Variants in IRAG2 observed in about 807,000 individuals in gnomAD.
IRAG2 encodes lymphoid restricted membrane protein.
A neutral mutation model predicts 69.9 loss-of-function variants in IRAG2; 45 were observed. The observed-to-expected ratio is 0.64, with a 90% CI of 0.51 to 0.83. The LOEUF is 0.83. Among genes scored for constraint, IRAG2 ranks in the 40% least tolerant of loss-of-function variants. The pLI is 0.00. For missense variants in IRAG2, 520 were observed against 587.0 expected (o/e 0.89, Z 1.18); for synonymous variants, 193 against 202.4 (o/e 0.95, Z 0.40).
At position 25,035,495 on chromosome 12, in the gene IRAG2, C is replaced by CAACA. The variant is rs563950075; in HGVS notation, c.1744-157_1744-154dup. ...TGGAGCCATCCCAGAGAGAAAATAT[C>CAACA]AACAGCTTTTTTAGGATGTAGGAGA... On this transcript the variant is annotated intron_variant, in intron 13 of 38. Coordinates refer to the IRAG2 transcript ENST00000636465. 6.6e-4 allele frequency: 261 copies of CAACA among 394,830 alleles called. No homozygotes were observed. The South Asian group carries it at 7.9e-3, about 12-fold the overall frequency. 24.5% of individuals were successfully genotyped at this position (394,830 alleles called of 1,614,324 possible). A position where few individuals can be genotyped will look rare whatever the true frequency, so the allele number is the denominator to read the frequency against.
At chr12:25,087,152 CCT>C (rs1491417057) in intron 10 of IRAG2, among the ~76,000 whole-genome samples, 1 of 100,210 alleles carries the variant, frequency 1.0e-5, no homozygotes, top group East Asian at 2.3e-4. Flanking sequence ...CACTCTCCTT[CCT>C]TTTTTTTTTT....
rs1947773340 is a variant in IRAG2 at position 25,088,134 on chromosome 12, A to G, written c.350A>G (p.His117Arg). The G allele has an allele frequency of 1.5e-5, 24 of 1,613,480 alleles. No individual in the cohort carries two copies. The highest frequency in any genetic ancestry group is 2.0e-5 in the Non-Finnish European group (24 of 1,179,500). ...AKEEPETIEEHKKEHASGDSV... is the reference protein window; with the variant it reads ...AKEEPETIEERKKEHASGDSV... ...GAGGAACCAGAAACAATAGAAGAACATAAAAAAGAACATGCTTCAGGAGGT... is the reference window on the plus strand; with the variant it reads ...GAGGAACCAGAAACAATAGAAGAACGTAAAAAAGAACATGCTTCAGGAGGT... The change falls in exon 11 of 22, where the codon CAT becomes CGT. Residue 117 changes from histidine to arginine, a missense_variant. By Grantham distance (29) the His-to-Arg change is conservative. Coordinates refer to ENST00000556887, the MANE Select transcript of IRAG2 (RefSeq NM_001366544.2).
chr12:25,004,450 C>A, exon 1 of IRAG2: 4 of 1,232,100 alleles, frequency 3.2e-6, no homozygotes, highest in Non-Finnish European at 4.0e-6. Context: ...TCCAATTCAG[C>A]AGATTATCAA....
chr12:25,100,913 T>C (rs910210692), intron 15 of IRAG2: 7 of 286,806 alleles, frequency 2.4e-5, no homozygotes, highest in Non-Finnish European at 3.9e-5. Flanking sequence ...GTAGGTTGCT[T>C]CTAGGCTTTT....
chr12:25,050,290 G>C (rs1047072446), upstream of IRAG2, among the ~76,000 whole-genome samples: 1 of 151,812 alleles, frequency 6.6e-6, no homozygotes, highest in East Asian at 1.9e-4. Context: ...CAGCACTTTC[G>C]GAGGCCGAGA....
intron 12 of IRAG2, among the ~76,000 whole-genome samples, chr12:25,032,946 A>C (rs527385507): frequency 7.4e-6 from 1 of 134,416 alleles, no homozygotes; most frequent in South Asian, 2.5e-4. Flanking sequence ...GGAACTAAGT[A>C]ACTCTTTCTT....
At chr12:25,104,505 G>T (rs1444682991) in intron 20 of IRAG2, 43 bp downstream of exon 20, 15 of 1,059,542 alleles carry the variant, frequency 1.4e-5, no homozygotes, top group Non-Finnish European at 2.1e-5. Flanking sequence ...CATGAACTGG[G>T]GCATAAACAA....
At chr12:25,067,787 C>A (rs753854268) in intron 5 of IRAG2, among the ~76,000 whole-genome samples, 16 of 152,088 alleles carry the variant, frequency 1.1e-4, no homozygotes, top group Non-Finnish European at 1.9e-4. Flanking sequence ...CTCACCTCAG[C>A]CTTCTGAGTA....
intron 10 of IRAG2, chr12:25,030,354 A>C (rs974135484): frequency 8.1e-7 from 1 of 1,227,970 alleles, no homozygotes; most frequent in Non-Finnish European, 1.0e-6. Flanking sequence ...GTTCCTTACC[A>C]CAAAGTCCCA....
upstream of IRAG2, chr12:25,052,581 C>T (rs1456455273): frequency 1.3e-5 from 5 of 397,144 alleles, no homozygotes; most frequent in Admixed American, 8.8e-5. Context: ...CAGAAAGAGG[C>T]AACTTGACAT....
At chr12:25,071,701 G>C (rs1592000813) in intron 6 of IRAG2, among the ~76,000 whole-genome samples, 4 of 152,106 alleles carry the variant, frequency 2.6e-5, no homozygotes, top group Middle Eastern at 6.8e-3. Context: ...GATTTGTCCA[G>C]CTTCAAAGGA....
intron 10 of IRAG2, among the ~76,000 whole-genome samples, chr12:25,084,988 T>C (rs1301358767): frequency 6.6e-6 from 1 of 152,230 alleles, no homozygotes; most frequent in African/African-American, 2.4e-5. Context: ...AGGGGGAACA[T>C]GCAGACCAGC....
At chr12:25,058,721 T>C (rs1419120920) in intron 1 of IRAG2, among the ~76,000 whole-genome samples, 4 of 152,214 alleles carry the variant, frequency 2.6e-5, no homozygotes, top group Admixed American at 6.5e-5. Context: ...GAAAGTTGCT[T>C]TATCTCAACT....
intron 14 of IRAG2, among the ~76,000 whole-genome samples, chr12:25,094,056 G>C (rs1948255229): frequency 6.6e-6 from 1 of 150,482 alleles, no homozygotes; most frequent in African/African-American, 2.5e-5. Flanking sequence ...CTGTTGACTG[G>C]GTCCTTTGAT....
chr12:25,080,459 C>G (rs894550786), intron 9 of IRAG2, among the ~76,000 whole-genome samples: 1 of 151,404 alleles, frequency 6.6e-6, no homozygotes, highest in Non-Finnish European at 1.5e-5. Context: ...TCACACCATT[C>G]TCCTGCCTCA....
At position 25,076,898 on chromosome 12, in the gene IRAG2, C is replaced by T. The variant is rs147352988; in HGVS notation, c.25-2346C>T. ...TTCTTTCTTTTCATTTTTTTTAAAG[C>T]AGGGTCTTGCCCTGTCACCCAGGCT... On this transcript the variant is annotated intron_variant, in intron 6 of 21. Transcript: ENST00000556887. Among the ~76,000 whole-genome samples the T allele has an allele frequency of 3.0e-4, 46 of 151,058 alleles. 1 individual carries two copies. The East Asian group carries it at 8.8e-3, about 29-fold the overall frequency.
chr12:25,069,716 T>G, intron 6 of IRAG2, among the ~76,000 whole-genome samples: 1 of 152,146 alleles, frequency 6.6e-6, no homozygotes, highest in East Asian at 1.9e-4. Context: ...AACTTTTTGT[T>G]TGAGAGGCAG....
intron 6 of IRAG2, among the ~76,000 whole-genome samples, chr12:25,070,350 A>G (rs1307140691): frequency 6.6e-6 from 1 of 152,186 alleles, no homozygotes; most frequent in South Asian, 2.1e-4. Context: ...TGGACATCTC[A>G]TATAAATGGA....
At chr12:25,036,566 T>C in intron 14 of IRAG2, 1 of 398,868 alleles carries the variant, frequency 2.5e-6, no homozygotes, top group Non-Finnish European at 4.4e-6. Flanking sequence ...TAGTTGAAGA[T>C]GTGGAACTCT....
Sources: gnomAD v4.1 joint callset for allele counts (sites outside exome capture counted in the v4.1 genomes callset) on GRCh38, gnomAD v4.1.1 for gene constraint, MANE v1.5 for transcripts, NCBI Gene and HGNC (gene_info 2026-07-23, HGNC 2026-07-21) for gene names.